IPO8: variants seen among roughly 807,000 people sequenced by gnomAD.
IPO8 encodes importin 8, also known as importin-8.
Under a neutral mutation model 141.2 loss-of-function variants are expected in IPO8, and 65 were observed. The ratio of observed to expected loss-of-function variants is 0.46; its 90% confidence interval spans 0.38 to 0.57. The LOEUF is 0.57. IPO8 is among the 20% of genes least tolerant of loss of function. IPO8 has a pLI of 0.00. For synonymous variants in IPO8, 411 were observed against 420.3 expected, an observed-to-expected ratio of 0.98 and a Z score of 0.27; for missense variants, 980 against 1,246.8, an observed-to-expected ratio of 0.79 and a Z score of 3.22.
At chr12:30,633,700 T>C (rs2052463948) in intron 23 of IPO8, among the ~76,000 whole-genome samples, 1 of 152,252 alleles carries the variant, frequency 6.6e-6, no homozygotes, top group Non-Finnish European at 1.5e-5. Context: ...GGATTGTGAA[T>C]AACTAGTAGG....
intron 20 of IPO8, among the ~76,000 whole-genome samples, chr12:30,647,603 CAAAAAAAA>C (rs34098076): frequency 7.4e-5 from 3 of 40,788 alleles, no homozygotes; most frequent in South Asian, 1.4e-3. Flanking sequence ...AGACCGTCTC[CAAAAAAAA>C]AAAAAAAAAA....
At chr12:30,660,575 A>G (rs2052870368) in intron 16 of IPO8, among the ~76,000 whole-genome samples, 1 of 152,218 alleles carries the variant, frequency 6.6e-6, no homozygotes, top group Non-Finnish European at 1.5e-5. Context: ...CACCAGTAAG[A>G]TCATATCAGC....
intron 5 of IPO8, among the ~76,000 whole-genome samples, chr12:30,679,793 A>G (rs888699820): frequency 1.3e-5 from 2 of 152,232 alleles, no homozygotes; most frequent in Non-Finnish European, 2.9e-5. Flanking sequence ...ACTAGAAAGC[A>G]TGTAATAGAG....
intron 10 of IPO8, among the ~76,000 whole-genome samples, chr12:30,668,861 C>T (rs992701100): frequency 6.6e-5 from 10 of 152,256 alleles, no homozygotes; most frequent in Admixed American, 6.5e-4. Flanking sequence ...ATGAGAACAA[C>T]CCAATCTATA....
At position 30,652,119 on chromosome 12, in the gene IPO8, A is replaced by T. The variant is rs2052735360; in HGVS notation, c.2172+73T>A. 5.1e-6 allele frequency: 4 copies of T among 783,456 alleles called. No homozygotes were observed. In the African/African-American group the frequency reaches 7.0e-5, roughly 14 times the overall value. 48.5% of individuals were successfully genotyped at this position (783,456 alleles called of 1,614,324 possible). The stretch of plus-strand genomic sequence containing the variant: ...AACTAAATGTGTAAGAAACAAACTG[A>T]AAAAGTATCCTGAAGCAAAACAGGC... On this transcript the variant is annotated intron_variant, in intron 19 of 24. Transcript: ENST00000256079.
rs1342311919 is a variant in IPO8 at position 30,639,648 on chromosome 12, C to T, written c.2356G>A (p.Ala786Thr). ...SELRTMCLQV[A>T]IAALYYNPDL... is the part of the protein sequence containing the mutation. ...GGGTTGTAGTACAAGGCAGCAATTG[C>T]AACCTGAAGACACATAGTACGAAGC... Residue 786 changes from alanine (A) to threonine (T), a missense_variant, in exon 21 of 25, where the codon GCA (alanine) becomes ACA (threonine). Ala to Thr is a moderately conservative substitution (Grantham distance 58). This residue lies in a region of IPO8 where 924 missense variants were observed against 1,153.9 expected (regional missense o/e 0.80). Transcript: ENST00000256079. 8 of 1,614,112 alleles carry T rather than the reference C, an allele frequency of 5.0e-6. No individual in the cohort carries two copies. Among genetic ancestry groups the T allele is most frequent in the Non-Finnish European group, 6.8e-6 (8 of 1,179,972 alleles).
chr12:30,660,963 A>ACT (rs2052877849), intron 16 of IPO8, among the ~76,000 whole-genome samples, 178 bp downstream of exon 16: 1 of 149,218 alleles, frequency 6.7e-6, no homozygotes, highest in African/African-American at 2.4e-5. Flanking sequence ...ATGATGTAAT[A>ACT]TTATAATGTT....
At chr12:30,676,656 T>C (rs1296965932) in intron 5 of IPO8, 69 bp from the exon 6 acceptor site, 2 of 1,077,948 alleles carry the variant, frequency 1.9e-6, no homozygotes, top group Admixed American at 1.7e-5. Context: ...TTTATCTATA[T>C]TGTAAGGCTA....
At chr12:30,690,930 T>C (rs2053285811) in intron 1 of IPO8, among the ~76,000 whole-genome samples, 1 of 152,186 alleles carries the variant, frequency 6.6e-6, no homozygotes. Flanking sequence ...TTTATTAATG[T>C]TTTAAATTGC....
intron 16 of IPO8, among the ~76,000 whole-genome samples, chr12:30,660,272 C>T (rs1156445307): frequency 6.6e-6 from 1 of 152,162 alleles, no homozygotes; most frequent in African/African-American, 2.4e-5. Flanking sequence ...TTCCTAAGTG[C>T]TCACCTTGTA....
chr12:30,653,240 T>C (rs2052752790), intron 17 of IPO8, 148 bp from the exon 18 acceptor site: 1 of 653,974 alleles, frequency 1.5e-6, no homozygotes, highest in Admixed American at 3.4e-5. Flanking sequence ...AGTATTTGTA[T>C]CTTCGGCTAT....
intron 20 of IPO8, among the ~76,000 whole-genome samples, chr12:30,641,551 G>C (rs1036634833): frequency 6.9e-6 from 1 of 145,790 alleles, no homozygotes. Context: ...ACCCAGGCTA[G>C]AGTGCAAATT....
chr12:30,666,647 G>A (rs183200834), intron 10 of IPO8, among the ~76,000 whole-genome samples: 9 of 152,278 alleles, frequency 5.9e-5, no homozygotes, highest in South Asian at 2.1e-4. Flanking sequence ...AGCTTATGTC[G>A]TGAAACAAAG....
At chr12:30,640,323 T>C (rs1372416633) in intron 20 of IPO8, among the ~76,000 whole-genome samples, 1 of 152,206 alleles carries the variant, frequency 6.6e-6, no homozygotes, top group Non-Finnish European at 1.5e-5. Context: ...TGAGCTGAAA[T>C]GATTTCTATA....
chr12:30,671,772 C>A (rs1750584104), intron 8 of IPO8, among the ~76,000 whole-genome samples: 1 of 148,926 alleles, frequency 6.7e-6, no homozygotes, highest in Non-Finnish European at 1.5e-5. Context: ...AAAGATGTTT[C>A]TTTATTTCAT....
At chr12:30,661,765 C>G (rs1389810403) in intron 15 of IPO8, among the ~76,000 whole-genome samples, 1 of 151,378 alleles carries the variant, frequency 6.6e-6, no homozygotes, top group Admixed American at 6.6e-5. Context: ...AATAAATTGC[C>G]CCAAACTGAA....
intron 21 of IPO8, among the ~76,000 whole-genome samples, chr12:30,638,753 G>A (rs556852689): frequency 6.6e-6 from 1 of 152,026 alleles, no homozygotes; most frequent in East Asian, 1.9e-4. Flanking sequence ...TGCAAGCTCC[G>A]CCTCCCAGGT....
intron 23 of IPO8, among the ~76,000 whole-genome samples, chr12:30,632,354 C>T (rs1010752621): frequency 3.9e-5 from 6 of 152,182 alleles, no homozygotes; most frequent in Non-Finnish European, 7.4e-5. Context: ...TTCATACTAC[C>T]TGCAGCTTTA....
At chr12:30,632,071 G>A (rs199728398) in intron 23 of IPO8, 60 bp from the exon 24 acceptor site, 4 of 1,074,698 alleles carry the variant, frequency 3.7e-6, no homozygotes, top group Non-Finnish European at 5.6e-6. Flanking sequence ...TACAGAACAA[G>A]TAGTAACATG....
Sources: allele counts gnomAD v4.1 joint callset (sites outside exome capture counted in the v4.1 genomes callset), GRCh38; gene constraint gnomAD v4.1.1; regional missense constraint gnomAD v4.1.1; transcripts MANE v1.5; gene names NCBI Gene and HGNC (gene_info 2026-07-23, HGNC 2026-07-21).